Variants in MAOA observed in about 807,000 individuals in gnomAD.
MAOA encodes amine oxidase [flavin-containing] A.
MAOA carries 6 observed loss-of-function variants against 42.0 expected under a neutral mutation model. That is an observed-to-expected ratio of 0.14 (90% confidence interval 0.08 to 0.28). MAOA has a LOEUF of 0.28. Ranked by LOEUF, MAOA falls within the 10% of genes least tolerant of loss-of-function variation. The probability of loss-of-function intolerance (pLI) is 1.00; values close to 1 mark genes in which losing one functional copy is unlikely to be tolerated. For synonymous variants in MAOA, 140 were observed against 154.0 expected (o/e 0.91, Z 0.67); for missense variants, 262 against 422.3 (o/e 0.62, Z 3.33).
In MAOA at chrX:43,658,005, A is replaced by G. The variant is rs1425228350; in HGVS notation, c.73+1591A>G. On this transcript the variant is annotated intron_variant, in intron 1 of 14. Coordinates refer to ENST00000338702, the MANE Select transcript of MAOA (RefSeq NM_000240.4). Reference sequence around the variant, plus strand: ...GGAGTATTTCAGCTTGTTTCTCTTTATTTATTTATGTATTTATTTATTCAT... The same window carrying G: ...GGAGTATTTCAGCTTGTTTCTCTTTGTTTATTTATGTATTTATTTATTCAT... The G allele has an allele frequency of 5.0e-6, 3 of 601,555 alleles. No individual in the cohort carries two copies. In the African/African-American group the frequency reaches 7.5e-5, roughly 15 times the overall value. The allele number at this position is 601,555 out of a possible 1,213,427, so 49.6% of individuals were successfully genotyped here. A position where few individuals can be genotyped will look rare whatever the true frequency, so the allele number is the denominator to read the frequency against.
At chrX:43,702,771 A>G (rs2033633493) in intron 3 of MAOA, among the ~76,000 whole-genome samples, 1 of 112,248 alleles carries the variant, frequency 8.9e-6, no homozygotes, top group Non-Finnish European at 1.9e-5. Flanking sequence ...TAAGACTCAA[A>G]TGATACACAC....
intron 1 of MAOA, among the ~76,000 whole-genome samples, chrX:43,672,289 A>AT (rs1185358524): frequency 2.7e-5 from 3 of 111,117 alleles, no homozygotes; most frequent in Admixed American, 9.6e-5. Flanking sequence ...TTGTACATTG[A>AT]TTTTGTATCC....
At chrX:43,699,886 A>C (rs1261663229) in intron 3 of MAOA, among the ~76,000 whole-genome samples, 1 of 112,170 alleles carries the variant, frequency 8.9e-6, no homozygotes, top group African/African-American at 3.2e-5. Flanking sequence ...CCCATGGCTT[A>C]TAATAGAATT....
At chrX:43,735,962 A>G (rs922061947) in intron 9 of MAOA, among the ~76,000 whole-genome samples, 1 of 112,891 alleles carries the variant, frequency 8.9e-6, no homozygotes, top group Non-Finnish European at 1.9e-5. Flanking sequence ...TTGATTTCCT[A>G]CTATATGCCA....
At position 43,712,708 on chromosome X, in the gene MAOA, C is replaced by T; in HGVS notation, c.415C>T (p.Pro139Ser). 8.4e-7 allele frequency: 1 copy of T among 1,197,494 alleles called. No homozygotes were observed. The highest frequency in any genetic ancestry group is 1.1e-6 in the Non-Finnish European group (1 of 883,050). The change falls in exon 5 of 15, where the codon CCA (proline) becomes TCA (serine). Residue 139 changes from proline to serine, a missense_variant. This residue lies in a region of MAOA where 141 missense variants were observed against 195.6 expected (regional missense o/e 0.72). Transcript: ENST00000338702. ...AGGGGACTTCCTTTCTCTACAGATT[C>T]CAACTGATGCACCCTGGGAGGCTCA... is the stretch of plus-strand genomic sequence containing the variant. ...RTIDNMGKEI[P>S]TDAPWEAQHA...
intron 6 of MAOA, among the ~76,000 whole-genome samples, chrX:43,730,425 C>T (rs1187097246): frequency 9.1e-6 from 1 of 109,550 alleles, no homozygotes; most frequent in African/African-American, 3.3e-5. Flanking sequence ...TCACCCTCTG[C>T]CTCTGCCTTG....
At chrX:43,695,354 G>C (rs746157038) in intron 3 of MAOA, among the ~76,000 whole-genome samples, 32 of 111,551 alleles carry the variant, frequency 2.9e-4, no homozygotes, top group Admixed American at 7.6e-4. Context: ...TTTAAAAACT[G>C]GGAAAAACTG....
At chrX:43,722,498 G>T (rs774122787) in intron 5 of MAOA, among the ~76,000 whole-genome samples, 1 of 107,901 alleles carries the variant, frequency 9.3e-6, no homozygotes, top group East Asian at 2.9e-4. Context: ...CTTTTGAGAA[G>T]TGTCTGTTCA....
At chrX:43,718,788 G>A (rs984701190) in intron 5 of MAOA, among the ~76,000 whole-genome samples, 3 of 110,707 alleles carry the variant, frequency 2.7e-5, no homozygotes, top group Admixed American at 1.9e-4. Flanking sequence ...GCCCAGGAAT[G>A]GTCCACAGGA....
At chrX:43,736,133 G>T in intron 9 of MAOA, 94 bp from the exon 10 acceptor site, 1 of 618,137 alleles carries the variant, frequency 1.6e-6, no homozygotes, top group Non-Finnish European at 2.6e-6. Flanking sequence ...ATTTCATGCT[G>T]AATAGCTACA....
chrX:43,658,078 C>T (rs1487715269), intron 1 of MAOA: 3 of 263,626 alleles, frequency 1.1e-5, no homozygotes, highest in Non-Finnish European at 5.2e-6. Context: ...CTGCTGTTTC[C>T]CAAAATCTGG....
chrX:43,725,293 G>C, intron 5 of MAOA, among the ~76,000 whole-genome samples: 1 of 111,600 alleles, frequency 9.0e-6, no homozygotes, highest in East Asian at 2.8e-4. Flanking sequence ...CCGTTATTGT[G>C]TGGGAGTCTA....
chrX:43,680,585 T>C (rs971107877), intron 1 of MAOA, among the ~76,000 whole-genome samples: 1 of 110,623 alleles, frequency 9.0e-6, no homozygotes, highest in African/African-American at 3.3e-5. Flanking sequence ...TTCTTCATTC[T>C]TGGAAAACTA....
intron 3 of MAOA, among the ~76,000 whole-genome samples, chrX:43,696,606 G>A (rs1174583210): frequency 1.8e-5 from 2 of 110,109 alleles, no homozygotes; most frequent in African/African-American, 3.3e-5. Flanking sequence ...GCAGGTGCCT[G>A]TAGTCCCAGC....
At chrX:43,671,836 G>A (rs1254884737) in intron 1 of MAOA, among the ~76,000 whole-genome samples, 2 of 102,238 alleles carry the variant, frequency 2.0e-5, no homozygotes, top group African/African-American at 7.2e-5. Context: ...TGCTGTTTTG[G>A]TTACTGTAGC....
chrX:43,742,867 T>C (rs1172360673), intron 12 of MAOA, among the ~76,000 whole-genome samples: 1 of 105,691 alleles, frequency 9.5e-6, no homozygotes, highest in African/African-American at 3.4e-5. Flanking sequence ...GGAGGAAGTA[T>C]TTATTAACCT....
chrX:43,730,363 G>A (rs1379451994), intron 6 of MAOA, among the ~76,000 whole-genome samples: 2 of 110,255 alleles, frequency 1.8e-5, no homozygotes, highest in African/African-American at 3.3e-5. Context: ...TATAAGGGCC[G>A]CTCAAGAGAA....
At chrX:43,698,410 C>T (rs1209742336) in intron 3 of MAOA, among the ~76,000 whole-genome samples, 1 of 112,113 alleles carries the variant, frequency 8.9e-6, no homozygotes, top group Non-Finnish European at 1.9e-5. Context: ...GGTGTTTCCT[C>T]TACCTGATCC....
chrX:43,731,884 A>G (rs752666035), intron 8 of MAOA, 31 bp downstream of exon 8: 1 of 1,148,941 alleles, frequency 8.7e-7, no homozygotes. Flanking sequence ...TTTAAACTGT[A>G]TTATATGAAG....
Sources: gnomAD v4.1 joint callset for allele counts (sites outside exome capture counted in the v4.1 genomes callset) on GRCh38, gnomAD v4.1.1 for gene constraint, gnomAD v4.1.1 regional missense constraint, MANE v1.5 for transcripts, NCBI Gene and HGNC (gene_info 2026-07-23, HGNC 2026-07-21) for gene names.